Variants in AKR1C8 observed in about 807,000 individuals in gnomAD.
AKR1C8 encodes the protein aldo-keto reductase family 1 member C8, also known as aldo-keto reductase family 1 member C-like protein 1.
the AKR1C8 span, among the ~76,000 whole-genome samples, chr10:5,153,450 A>T: frequency 6.6e-6 from 1 of 152,192 alleles, no homozygotes; most frequent in Non-Finnish European, 1.5e-5. Flanking sequence ...GTTTATAAAA[A>T]CACATATGTA....
the AKR1C8 span, chr10:5,161,586 C>A: frequency 4.6e-6 from 2 of 431,998 alleles, no homozygotes; most frequent in East Asian, 6.6e-5. Flanking sequence ...AAATACAGTG[C>A]AATGCCCTCA....
chr10:5,171,377 T>C, the AKR1C8 span, among the ~76,000 whole-genome samples: 9,337 of 152,140 alleles, frequency 0.061, 347 homozygotes, highest in Middle Eastern at 0.085. Context: ...TAATTATTAC[T>C]GATAATACAC....
At chr10:5,157,270 A>G in the AKR1C8 span, among the ~76,000 whole-genome samples, 1 of 152,130 alleles carries the variant, frequency 6.6e-6, no homozygotes, top group African/African-American at 2.4e-5. Context: ...CAGAGCAGCT[A>G]ATTTTATTTG....
the AKR1C8 span, among the ~76,000 whole-genome samples, chr10:5,147,319 A>G: frequency 3.9e-5 from 6 of 152,130 alleles, no homozygotes; most frequent in African/African-American, 7.2e-5. Context: ...TTGAGAACTC[A>G]GCATATGGTT....
chr10:5,170,225 A>C, the AKR1C8 span, among the ~76,000 whole-genome samples: 10 of 152,118 alleles, frequency 6.6e-5, no homozygotes, highest in Non-Finnish European at 1.2e-4. Context: ...TATTTTAGAA[A>C]CTTGTAGCAA....
the AKR1C8 span, among the ~76,000 whole-genome samples, chr10:5,170,604 AG>A: frequency 1.3e-5 from 2 of 152,116 alleles, no homozygotes; most frequent in Non-Finnish European, 2.9e-5. Flanking sequence ...AAGATAACTT[AG>A]GGTTCCTGGC....
the AKR1C8 span, chr10:5,159,770 A>G: frequency 2.2e-6 from 1 of 464,478 alleles, no homozygotes; most frequent in Non-Finnish European, 4.4e-6. Context: ...TTCTGAGAGA[A>G]AAGAACTCTC....
the AKR1C8 span, among the ~76,000 whole-genome samples, chr10:5,156,631 T>C: frequency 1.3e-5 from 2 of 152,150 alleles, no homozygotes; most frequent in African/African-American, 4.8e-5. Context: ...CCACTCTTTT[T>C]AAAAATGTAC....
chr10:5,167,026 T>TG, the AKR1C8 span, among the ~76,000 whole-genome samples: 1 of 151,288 alleles, frequency 6.6e-6, no homozygotes, highest in Non-Finnish European at 1.5e-5. Context: ...AAAAGACACA[T>TG]GAAAAAATGC....
At chr10:5,145,190 T>C in the AKR1C8 span, among the ~76,000 whole-genome samples, 1 of 152,176 alleles carries the variant, frequency 6.6e-6, no homozygotes. Flanking sequence ...TTTGCATATA[T>C]CAATTCAAGA....
At chr10:5,150,928 T>C in the AKR1C8 span, among the ~76,000 whole-genome samples, 1 of 152,284 alleles carries the variant, frequency 6.6e-6, no homozygotes, top group South Asian at 2.1e-4. Flanking sequence ...TCCAGGTATA[T>C]AGAAGAACAG....
chr10:5,148,815 C>T, the AKR1C8 span, among the ~76,000 whole-genome samples: 3 of 151,970 alleles, frequency 2.0e-5, no homozygotes, highest in African/African-American at 4.8e-5. Flanking sequence ...AGTATGGGGT[C>T]CAGAGAATAT....
At chr10:5,117,678 C>T in the AKR1C8 span, among the ~76,000 whole-genome samples, 1 of 151,982 alleles carries the variant, frequency 6.6e-6, no homozygotes, top group African/African-American at 2.4e-5. Flanking sequence ...ATCTCTTAGG[C>T]CTTTGGTGAG....
chr10:5,141,753 T>C, the AKR1C8 span, among the ~76,000 whole-genome samples: 8 of 152,160 alleles, frequency 5.3e-5, no homozygotes, highest in Non-Finnish European at 1.2e-4. Flanking sequence ...CAACTTCTGC[T>C]TTTTATTTTA....
At chr10:5,174,779 AAAT>A in the AKR1C8 span, among the ~76,000 whole-genome samples, 3 of 152,096 alleles carry the variant, frequency 2.0e-5, no homozygotes, top group Non-Finnish European at 4.4e-5. Flanking sequence ...AAAGACATAA[AAAT>A]AAATATTTTG....
the AKR1C8 span, among the ~76,000 whole-genome samples, chr10:5,136,199 T>C: frequency 1.3e-5 from 2 of 152,190 alleles, no homozygotes; most frequent in African/African-American, 4.8e-5. Flanking sequence ...AATTGGTGAA[T>C]AATCCTCACA....
chr10:5,131,132 T>G, the AKR1C8 span, among the ~76,000 whole-genome samples: 59,600 of 151,794 alleles, frequency 0.39, 12,501 homozygotes, highest in Non-Finnish European at 0.43. Context: ...AAGCCACATG[T>G]AGAAGAATGA....
chr10:5,159,965 A>G, the AKR1C8 span: 4 of 371,706 alleles, frequency 1.1e-5, 1 homozygote, highest in Non-Finnish European at 1.8e-5. Context: ...GGACACCCCA[A>G]TGGACCTGGT....
At chr10:5,118,508 G>A in the AKR1C8 span, among the ~76,000 whole-genome samples, 3 of 152,294 alleles carry the variant, frequency 2.0e-5, no homozygotes, top group East Asian at 5.8e-4. Context: ...GGGAAAGTTA[G>A]AGTAGTATCT....
Sources: gnomAD v4.1 joint callset for allele counts (sites outside exome capture counted in the v4.1 genomes callset) on GRCh38, gnomAD v4.1.1 for gene constraint, MANE v1.5 for transcripts, NCBI Gene and HGNC (gene_info 2026-07-23, HGNC 2026-07-21) for gene names.